Variants in ACSS3 observed in about 807,000 individuals in gnomAD.
ACSS3 encodes acyl-CoA synthetase short-chain family member 3, mitochondrial.
Under a neutral mutation model 84.2 loss-of-function variants are expected in ACSS3, and 64 were observed. That is an observed-to-expected ratio of 0.76 (90% confidence interval 0.62 to 0.94). ACSS3 has a LOEUF of 0.94. Among genes scored for constraint, ACSS3 ranks in the 40% least tolerant of loss-of-function variants. The pLI is 0.00. For missense variants in ACSS3, 815 were observed against 867.6 expected (o/e 0.94, Z 0.76); for synonymous variants, 317 against 310.1 (o/e 1.02, Z -0.23).
intron 9 of ACSS3, among the ~76,000 whole-genome samples, chr12:81,210,384 G>T (rs937375991): frequency 8.5e-5 from 13 of 152,146 alleles, no homozygotes; most frequent in Admixed American, 8.5e-4. Context: ...CCATCAAAAG[G>T]TGATATCTGA....
Position 81,145,715 on chromosome 12 carries a change from A to G in ACSS3, c.921+2468A>G, listed in dbSNP as rs575685537. ...GAAATAGAATCAGAAGGATGGTTGG[A>G]GGCTAGGGAAACTAAAAGTCTTTGA... On this transcript the variant is annotated intron_variant, in intron 5 of 15. Coordinates refer to ENST00000548058, the MANE Select transcript of ACSS3 (RefSeq NM_024560.4). Among the ~76,000 whole-genome samples, 7 of 152,298 alleles carry G rather than the reference A, an allele frequency of 4.6e-5. No individual in the cohort carries two copies. In the South Asian group the frequency reaches 1.2e-3, roughly 27 times the overall value.
rs1365202996 is a variant in ACSS3 at position 81,079,974 on chromosome 12, C to G, written c.311+1543C>G. Among the ~76,000 whole-genome samples, 3 of 152,300 alleles carry G rather than the reference C, an allele frequency of 2.0e-5. No homozygotes were observed. In the East Asian group the frequency reaches 5.8e-4, roughly 29 times the overall value. On this transcript the variant is annotated intron_variant, in intron 1 of 15. Coordinates refer to ENST00000548058, the MANE Select transcript of ACSS3 (RefSeq NM_024560.4). ...ATTATCTTAGGAGCAGGAAACTCTC[C>G]TAGTATTCCTCAGATGAAAGCACAG... is the stretch of plus-strand genomic sequence containing the variant.
intron 1 of ACSS3, among the ~76,000 whole-genome samples, chr12:81,089,797 C>G (rs964968529): frequency 2.0e-5 from 3 of 152,004 alleles, no homozygotes; most frequent in South Asian, 2.1e-4. Context: ...TGTGTTGGGC[C>G]CTATGCTAAT....
intron 1 of ACSS3, among the ~76,000 whole-genome samples, chr12:81,107,068 T>C (rs1883072543): frequency 6.6e-6 from 1 of 152,066 alleles, no homozygotes; most frequent in Non-Finnish European, 1.5e-5. Context: ...AGAGATGTCC[T>C]GCAGACTTTT....
At position 81,255,535 on chromosome 12, in the gene ACSS3, A is replaced by G. The variant is rs2034271616; in HGVS notation, c.*613A>G. On this transcript the variant is annotated 3_prime_UTR_variant, in exon 16 of 16. Transcript: ENST00000548058. ...GGTCTTTTGTTACTTAGGCAAGGAA[A>G]ACCACATGTCTGACCTGGTTCAGCA... The G allele has an allele frequency of 6.6e-6, 1 of 152,112 alleles. No individual in the cohort carries two copies. Among genetic ancestry groups the G allele is most frequent in the African/African-American group, 2.4e-5 (1 of 41,408 alleles). 9.4% of individuals were successfully genotyped at this position (152,112 alleles called of 1,614,324 possible). A position where few individuals can be genotyped will look rare whatever the true frequency, so the allele number is the denominator to read the frequency against.
chr12:81,127,808 A>G (rs1885208350), intron 2 of ACSS3, among the ~76,000 whole-genome samples: 1 of 152,072 alleles, frequency 6.6e-6, no homozygotes, highest in African/African-American at 2.4e-5. Flanking sequence ...TACAAGCATG[A>G]TTTTCCTTAG....
Sources: gnomAD v4.1 joint callset for allele counts (sites outside exome capture counted in the v4.1 genomes callset) on GRCh38, gnomAD v4.1.1 for gene constraint, MANE v1.5 for transcripts, NCBI Gene and HGNC (gene_info 2026-07-23, HGNC 2026-07-21) for gene names.